Variants in NOTCH2 observed in about 807,000 individuals in gnomAD.
NOTCH2 encodes the protein neurogenic locus notch homolog protein 2.
A neutral mutation model predicts 235.8 loss-of-function variants in NOTCH2; 29 were observed. The ratio of observed to expected loss-of-function variants is 0.12; its 90% CI spans 0.09 to 0.17. The LOEUF (loss-of-function observed/expected upper bound fraction) is 0.17, where lower values mean the gene tolerates loss of function less well. Among genes scored for constraint, NOTCH2 ranks in the 10% least tolerant of loss-of-function variants. NOTCH2 has a pLI of 1.00. For synonymous variants in NOTCH2, 1,086 were observed against 1,141.5 expected, an observed-to-expected ratio of 0.95 and a Z score of 0.98; for missense variants, 2,285 against 3,150.2, an observed-to-expected ratio of 0.73 and a Z score of 6.57.
rs1428637098 is a variant in NOTCH2 at position 120,069,097 on chromosome 1, G to A, written c.73+237C>T. ...CCGGCCTCCCTCCTGCCGAGGAGGC[G>A]TGTAAGGGGTCCCGGGCCGCGGGGA... On this transcript the variant is annotated intron_variant, in intron 1 of 33. Coordinates refer to ENST00000256646, the MANE Select transcript of NOTCH2 (RefSeq NM_024408.4). 6 of 1,507,592 alleles carry A rather than the reference G, an allele frequency of 4.0e-6. 1 individual carries two copies. In the Admixed American group the frequency reaches 9.9e-5, roughly 25 times the overall value. 93.4% of individuals were successfully genotyped at this position (1,507,592 alleles called of 1,614,324 possible). A position where few individuals can be genotyped will look rare whatever the true frequency, so the allele number is the denominator to read the frequency against.
intron 29 of NOTCH2, 103 bp from the exon 30 acceptor site, chr1:119,920,500 T>C: frequency 2.3e-6 from 3 of 1,302,504 alleles, no homozygotes; most frequent in Non-Finnish European, 2.2e-6. Flanking sequence ...CTCCCATTGT[T>C]TTCTCTCTTC....
chr1:119,968,018 T>C, intron 7 of NOTCH2, 59 bp downstream of exon 7: 1 of 1,599,636 alleles, frequency 6.3e-7, no homozygotes, highest in Middle Eastern at 1.7e-4. Flanking sequence ...TGCTTCAGTT[T>C]AAACATTTGC....
rs782192003 is a variant in NOTCH2, at chr1:119,963,718, A to G, written c.1771T>C (p.Tyr591His). The G allele has an allele frequency of 1.2e-5, 19 of 1,614,170 alleles. No homozygotes were observed. Among genetic ancestry groups the G allele is most frequent in the Non-Finnish European group, 1.6e-5 (19 of 1,179,982 alleles). Residue 591 changes from tyrosine (Y) to histidine (H), a missense_variant, in exon 11 of 34, where the codon TAC (tyrosine) becomes CAC (histidine). Tyr to His is a moderately conservative substitution (Grantham distance 83). Coordinates refer to ENST00000256646, the MANE Select transcript of NOTCH2 (RefSeq NM_024408.4). Reference protein sequence around the residue: ...HGQCQDGIDSYTCICNPGYMG... With the variant: ...HGQCQDGIDSHTCICNPGYMG... ...TACCCGGGATTGCAGATGCAGGTGT[A>G]GGAATCAATACCATCCTGACACTGA...
chr1:119,925,542 C>T lies in NOTCH2; in HGVS notation c.4274G>A (p.Cys1425Tyr), dbSNP rs865798739. The T allele has an allele frequency of 1.9e-6, 3 of 1,614,144 alleles. No individual in the cohort carries two copies. The highest frequency in any genetic ancestry group is 2.5e-6 in the Non-Finnish European group (3 of 1,180,042). The change falls in exon 25 of 34, where the codon TGT (cysteine) becomes TAT (tyrosine). Residue 1425 changes from cysteine (C) to tyrosine (Y), a missense_variant. Around this residue, in one of 6 missense-constraint regions of NOTCH2, gnomAD observed 1,173 missense variants for 1,515.3 expected, o/e 0.77. Transcript: ENST00000256646. ...TAPPSTPPAT[C>Y]LSQYCADKAR... ...TTTGTCGGCACAATACTGGCTCAGA[C>T]AGGTGGCAGGAGGGGTGCTGGGGGG...
rs1557814141 is a variant in NOTCH2 at position 119,941,558 on chromosome 1, A to G, written c.2949T>C (p.His983=). The G allele has an allele frequency of 1.2e-6, 2 of 1,614,014 alleles. No individual in the cohort carries two copies. Among genetic ancestry groups the G allele is most frequent in the Non-Finnish European group, 1.7e-6 (2 of 1,179,902 alleles). Residue 983 remains histidine (H), a synonymous_variant, in exon 18 of 34, where the codon CAT becomes CAC. Transcript: ENST00000256646. ...CKCQAGFDGV[H]CENNINECTE... is the part of the protein sequence containing the mutation. ...TGCACTCATTGATGTTGTTCTCACA[A>G]TGGACTCCATCAAATCCTGCCTGGC...
At position 119,941,638 on chromosome 1, in the gene NOTCH2, G is replaced by T. The variant is rs1553196466; in HGVS notation, c.2869C>A (p.Pro957Thr). 1.2e-6 allele frequency: 2 copies of T among 1,614,046 alleles called. No individual in the cohort carries two copies. The highest frequency in any genetic ancestry group is 1.7e-6 in the Non-Finnish European group (2 of 1,179,952). Residue 957 changes from proline (P) to threonine (T), a missense_variant, in exon 18 of 34, where the codon CCC becomes ACC. Pro to Thr is a conservative substitution (Grantham distance 38, BLOSUM62 -1). Around this residue, in one of 6 missense-constraint regions of NOTCH2, gnomAD observed 1,173 missense variants for 1,515.3 expected, o/e 0.77. Coordinates refer to ENST00000256646, the MANE Select transcript of NOTCH2 (RefSeq NM_024408.4). ...QTDMNECLSE[P>T]CKNGGTCSDY... ...GAGCAGGTCCCTCCATTCTTACAGGGTTCACTCAGACACTCATTCATGTCT... is the reference window on the plus strand; with the variant it reads ...GAGCAGGTCCCTCCATTCTTACAGGTTTCACTCAGACACTCATTCATGTCT...
chr1:119,987,915 C>T (rs1652083197), intron 4 of NOTCH2, among the ~76,000 whole-genome samples: 1 of 152,200 alleles, frequency 6.6e-6, no homozygotes, highest in Non-Finnish European at 1.5e-5. Flanking sequence ...TAACTGCCCA[C>T]AGTGTGGTCC....
At chr1:119,930,360 G>A (rs1403610844) in intron 22 of NOTCH2, among the ~76,000 whole-genome samples, 2 of 149,780 alleles carry the variant, frequency 1.3e-5, no homozygotes, top group African/African-American at 4.9e-5. Flanking sequence ...ATTTAAAACA[G>A]GACTAATTTA....
At chr1:119,985,515 G>A (rs1277080930) in intron 5 of NOTCH2, among the ~76,000 whole-genome samples, 7 of 151,982 alleles carry the variant, frequency 4.6e-5, no homozygotes, top group Non-Finnish European at 8.8e-5. Context: ...GTGTAGTATC[G>A]AACAAAAACC....
rs781963815 is a variant in NOTCH2, at chr1:119,955,046, A to G, written c.2213T>C (p.Leu738Pro). The G allele has an allele frequency of 6.2e-7, 1 of 1,613,712 alleles. No individual in the cohort carries two copies. Among genetic ancestry groups the G allele is most frequent in the South Asian group, 1.1e-5 (1 of 91,060 alleles). ...PCIHGNCTGG[L>P]SGYKCLCDAG... ...ACATGGGGCAGCTACTCACCCACTG[A>G]GACCTCCAGTACAGTTTCCATGGAT... Residue 738 changes from leucine (L) to proline (P), a missense_variant, in exon 13 of 34, where the codon CTC becomes CCC. Leu to Pro is a moderately conservative substitution (Grantham distance 98, BLOSUM62 -3). This residue lies in a region of NOTCH2 where 1,173 missense variants were observed against 1,515.3 expected (regional missense o/e 0.77). Transcript: ENST00000256646.
chr1:120,039,013 A>G (rs1462246541), intron 1 of NOTCH2, among the ~76,000 whole-genome samples: 5 of 151,548 alleles, frequency 3.3e-5, no homozygotes, highest in African/African-American at 1.2e-4. Context: ...AAAAATTCCA[A>G]CTGAATGGGA....
intron 1 of NOTCH2, among the ~76,000 whole-genome samples, chr1:120,042,654 TC>T (rs1325756225): frequency 7.0e-6 from 1 of 142,066 alleles, no homozygotes; most frequent in African/African-American, 3.1e-5. Flanking sequence ...TTTCTCCTCC[TC>T]CCCACTAAAG....
intron 5 of NOTCH2, among the ~76,000 whole-genome samples, chr1:119,972,253 CT>C (rs587679359): frequency 3.9e-4 from 60 of 152,230 alleles, no homozygotes; most frequent in African/African-American, 1.4e-3. Context: ...ATTACAGAAA[CT>C]TTGCTGTCTT....
chr1:119,950,671 C>T (rs1265085825), intron 15 of NOTCH2, 53 bp downstream of exon 15: 1 of 1,179,558 alleles, frequency 8.5e-7, no homozygotes, highest in Non-Finnish European at 1.3e-6. Context: ...CAGGCACTGA[C>T]AAAGCAAGGT....
At position 119,937,733 on chromosome 1, in the gene NOTCH2, G is replaced by A. The variant is rs1649909993; in HGVS notation, c.3337+124C>T. 63 of 1,070,716 alleles carry A rather than the reference G, an allele frequency of 5.9e-5. No individual in the cohort carries two copies. The South Asian group carries it at 8.6e-4, about 15-fold the overall frequency. The allele number at this position is 1,070,716 out of a possible 1,614,324, so 66.3% of individuals were successfully genotyped here. A position where few individuals can be genotyped will look rare whatever the true frequency, so the allele number is the denominator to read the frequency against. On this transcript the variant is annotated intron_variant, in intron 20 of 33. Coordinates refer to ENST00000256646, the MANE Select transcript of NOTCH2 (RefSeq NM_024408.4). ...TTCTGTCTTGAGCCCTTTCCCCAGA[G>A]CCCTGCCCACCCACTACTATCTGCC...
chr1:119,925,536 C>T lies in NOTCH2; in HGVS notation c.4280G>A (p.Ser1427Asn). ...CCGAGCTTTGTCGGCACAATACTGGCTCAGACAGGTGGCAGGAGGGGTGCT... is the reference window on the plus strand; with the variant it reads ...CCGAGCTTTGTCGGCACAATACTGGTTCAGACAGGTGGCAGGAGGGGTGCT... ...PPSTPPATCLSQYCADKARDG... is the reference protein window; with the variant it reads ...PPSTPPATCLNQYCADKARDG... The change falls in exon 25 of 34, where the codon AGC becomes AAC. Residue 1427 changes from serine to asparagine, a missense_variant. Transcript: ENST00000256646. 1.2e-6 allele frequency: 2 copies of T among 1,614,184 alleles called. No homozygotes were observed. The highest frequency in any genetic ancestry group is 8.5e-7 in the Non-Finnish European group (1 of 1,180,048).
At position 119,959,441 on chromosome 1, in the gene NOTCH2, A is replaced by C; in HGVS notation, c.1977T>G (p.Cys659Trp). ...AACTGTAGCGATTAATGCCATCCAT[A>C]CAGATTCCATGGATACAAGGGTTAC... ...CASNPCIHGI[C>W]MDGINRYSCV... Residue 659 changes from cysteine to tryptophan, a missense_variant, in exon 12 of 34, where the codon TGT (cysteine) becomes TGG (tryptophan). By Grantham distance (215) the Cys-to-Trp change is radical. Transcript: ENST00000256646. 6.2e-7 allele frequency: 1 copy of C among 1,612,612 alleles called. No homozygotes were observed. The highest frequency in any genetic ancestry group is 8.5e-7 in the Non-Finnish European group (1 of 1,178,622).
intron 15 of NOTCH2, chr1:119,950,189 A>G: frequency 6.5e-6 from 2 of 310,042 alleles, no homozygotes; most frequent in South Asian, 5.7e-5. Flanking sequence ...TCAGATTCAA[A>G]GAGACCTACA....
At chr1:119,931,652 T>G (rs1649664991) in intron 22 of NOTCH2, among the ~76,000 whole-genome samples, 1 of 152,050 alleles carries the variant, frequency 6.6e-6, no homozygotes, top group South Asian at 2.1e-4. Context: ...AAAGGTGCCA[T>G]CTCAAATCAT....
Sources: gnomAD v4.1 joint callset for allele counts (sites outside exome capture counted in the v4.1 genomes callset) on GRCh38, gnomAD v4.1.1 for gene constraint, gnomAD v4.1.1 regional missense constraint, MANE v1.5 for transcripts, NCBI Gene and HGNC (gene_info 2026-07-23, HGNC 2026-07-21) for gene names.